SVIL: variants seen among roughly 807,000 people sequenced by gnomAD.
SVIL encodes supervillin, also known as archvillin.
SVIL carries 101 observed loss-of-function variants against 240.4 expected under a neutral mutation model. The ratio of observed to expected loss-of-function variants is 0.42; its 90% CI spans 0.36 to 0.50. The LOEUF (loss-of-function observed/expected upper bound fraction) is 0.50. Among genes scored for constraint, SVIL ranks in the 20% least tolerant of loss-of-function variants. SVIL has a pLI of 0.01. For synonymous variants in SVIL, 999 were observed against 1,100.0 expected (o/e 0.91, Z 1.82); for missense variants, 2,512 against 2,818.7 (o/e 0.89, Z 2.46).
chr10:29,669,892 T>A (rs866494322), intron 2 of SVIL, among the ~76,000 whole-genome samples: 2 of 152,202 alleles, frequency 1.3e-5, no homozygotes, highest in Middle Eastern at 6.8e-3. Flanking sequence ...GATGAGAGGA[T>A]CACTTTAGTC....
At chr10:29,660,401 C>T (rs1314243793) in intron 2 of SVIL, among the ~76,000 whole-genome samples, 1 of 152,060 alleles carries the variant, frequency 6.6e-6, no homozygotes, top group African/African-American at 2.4e-5. Flanking sequence ...CAATTGAGCC[C>T]AGGAATTTGA....
rs577843232 is a variant in SVIL, at chr10:29,500,795, A to G, written c.3517-1532T>C. 1.7e-3 allele frequency among the ~76,000 whole-genome samples: 266 copies of G among 152,192 alleles called. 12 individuals are homozygous for G. In the South Asian group the frequency reaches 0.054, roughly 31 times the overall value. Reference sequence around the variant, plus strand: ...GAGCCCCGAGTCAAGACCATCCTAGAGATTCTCTTCCCCGATGCCTTTCCT... The same window carrying G: ...GAGCCCCGAGTCAAGACCATCCTAGGGATTCTCTTCCCCGATGCCTTTCCT... On this transcript the variant is annotated intron_variant, in intron 17 of 37. Transcript: ENST00000355867.
intron 21 of SVIL, among the ~76,000 whole-genome samples, chr10:29,492,028 T>A (rs1161837900): frequency 6.6e-6 from 1 of 152,130 alleles, no homozygotes; most frequent in East Asian, 1.9e-4. Flanking sequence ...TCACTGACAA[T>A]TTTGCAGTTA....
At chr10:29,728,613 A>G (rs1195426052) in intron 1 of SVIL, among the ~76,000 whole-genome samples, 1 of 152,090 alleles carries the variant, frequency 6.6e-6, no homozygotes, top group Non-Finnish European at 1.5e-5. Context: ...AAAAAGGGGG[A>G]GGAAGGAAAG....
At position 29,735,074 on chromosome 10, in the gene SVIL, C is replaced by T. The variant is rs2132728464; in HGVS notation, c.-400+677G>A. The stretch of plus-strand genomic sequence containing the variant: ...CCGCTCACTCACTGTAATGCAATTA[C>T]CGCCTTCTGGAGCTCCACTCGGGGT... On this transcript the variant is annotated intron_variant, in intron 1 of 35. Coordinates refer to the SVIL transcript ENST00000375400. This position sits in a 1 kb window ranked among gnomAD's most constrained non-coding sequence, Gnocchi z 4.1. Among the ~76,000 whole-genome samples, 1 of 152,286 alleles carries T rather than the reference C, an allele frequency of 6.6e-6. No homozygotes were observed. The highest frequency in any genetic ancestry group is 6.5e-5 in the Admixed American group (1 of 15,296).
chr10:29,568,569 T>C (rs1320565869), intron 2 of SVIL, among the ~76,000 whole-genome samples: 1 of 152,210 alleles, frequency 6.6e-6, no homozygotes, highest in Non-Finnish European at 1.5e-5. Flanking sequence ...GACAACAATC[T>C]ACTAAAAAGC....
At chr10:29,562,769 G>GAAAAAAA (rs34507610) in intron 3 of SVIL, among the ~76,000 whole-genome samples, 21 of 115,748 alleles carry the variant, frequency 1.8e-4, no homozygotes, top group Admixed American at 2.9e-4. Flanking sequence ...TCAAAAAAAA[G>GAAAAAAA]AAAAAAAAAA....
intron 2 of SVIL, among the ~76,000 whole-genome samples, chr10:29,673,978 A>G (rs1261929312): frequency 6.6e-6 from 1 of 152,202 alleles, no homozygotes; most frequent in Non-Finnish European, 1.5e-5. Flanking sequence ...GAAGTATGAT[A>G]TGCCTTGTCT....
chr10:29,508,385 T>C, intron 17 of SVIL: 1 of 1,289,344 alleles, frequency 7.8e-7, no homozygotes, highest in Admixed American at 2.3e-5. Flanking sequence ...AACTCCTCCT[T>C]CTTCCTACAG....
chr10:29,703,749 A>G (rs954840800), intron 1 of SVIL, among the ~76,000 whole-genome samples: 1 of 152,198 alleles, frequency 6.6e-6, no homozygotes, highest in Non-Finnish European at 1.5e-5. Flanking sequence ...AGTTGGGGAA[A>G]GTTAACAGTA....
intron 23 of SVIL, among the ~76,000 whole-genome samples, chr10:29,487,955 C>A (rs1334044392): frequency 2.0e-5 from 3 of 152,182 alleles, no homozygotes; most frequent in Non-Finnish European, 4.4e-5. Flanking sequence ...GTGGGAAACC[C>A]TCCTGGAGGG....
chr10:29,733,537 C>T (rs185869311), intron 1 of SVIL, among the ~76,000 whole-genome samples: 4 of 152,228 alleles, frequency 2.6e-5, no homozygotes, highest in Admixed American at 1.3e-4. Context: ...ACTCCTGGCC[C>T]CAAGCCATCC....
At chr10:29,473,639 T>A in intron 30 of SVIL, 199 bp downstream of exon 30, 1 of 638,694 alleles carries the variant, frequency 1.6e-6, no homozygotes, top group Non-Finnish European at 2.6e-6. Context: ...TCCAGGATCA[T>A]CTTACAAAAA....
intron 1 of SVIL, among the ~76,000 whole-genome samples, chr10:29,710,419 C>T (rs1258907376): frequency 1.3e-5 from 2 of 152,188 alleles, no homozygotes; most frequent in East Asian, 1.9e-4. Context: ...TGCTACAAAT[C>T]AATGATTGTT....
In SVIL at chr10:29,466,084, A is replaced by G. The variant is rs1433187790; in HGVS notation, c.5978-334T>C. 2.6e-5 allele frequency among the ~76,000 whole-genome samples: 4 copies of G among 152,152 alleles called. No homozygotes were observed. In the East Asian group the frequency reaches 7.7e-4, roughly 29 times the overall value. On this transcript the variant is annotated intron_variant, in intron 33 of 37. Coordinates refer to ENST00000355867, the MANE Select transcript of SVIL (RefSeq NM_021738.3). ...ATACATAAGGAAAAAATAAATATCA[A>G]TAAAATGTGCAAAAGACACAAATAG...
intron 1 of SVIL, among the ~76,000 whole-genome samples, chr10:29,720,377 C>A (rs1189057216): frequency 1.3e-5 from 2 of 151,998 alleles, no homozygotes; most frequent in Admixed American, 6.6e-5. Context: ...CTATACCCAG[C>A]AAAAATAGCT....
chr10:29,666,068 C>A (rs1959262747), intron 2 of SVIL, among the ~76,000 whole-genome samples: 1 of 152,180 alleles, frequency 6.6e-6, no homozygotes. Flanking sequence ...TAGGCACATG[C>A]CATCATGCCT....
At chr10:29,701,622 GT>G (rs1204752355) in intron 1 of SVIL, among the ~76,000 whole-genome samples, 3 of 152,064 alleles carry the variant, frequency 2.0e-5, no homozygotes, top group Admixed American at 2.0e-4. Flanking sequence ...AATATATCCA[GT>G]TACCATTTTC....
At chr10:29,530,510 T>C in intron 11 of SVIL, 97 bp downstream of exon 11, 3 of 1,399,704 alleles carry the variant, frequency 2.1e-6, no homozygotes, top group South Asian at 2.3e-5. Flanking sequence ...GGTCTCAAAC[T>C]CCTGGCCTCA....
Sources: gnomAD v4.1 joint callset for allele counts (sites outside exome capture counted in the v4.1 genomes callset) on GRCh38, gnomAD v4.1.1 for gene constraint, Gnocchi (gnomAD v3.1) non-coding constraint, MANE v1.5 for transcripts, NCBI Gene and HGNC (gene_info 2026-07-23, HGNC 2026-07-21) for gene names.